Variants in FFAR1 observed in about 807,000 individuals in gnomAD.
The protein encoded by FFAR1 is free fatty acid receptor 1, also known as G-protein coupled receptor 40.
For synonymous variants in FFAR1, 216 were observed against 201.5 expected (o/e 1.07, Z -0.61); for missense variants, 424 against 396.2 (o/e 1.07, Z -0.60).
upstream of FFAR1, among the ~76,000 whole-genome samples, chr19:35,349,888 C>A (rs1171486909): frequency 6.6e-6 from 1 of 152,180 alleles, no homozygotes; most frequent in South Asian, 2.1e-4. Context: ...CACCAGCAGG[C>A]GTGGGCACAC....
At chr19:35,351,469 G>C (rs1019708893), upstream of FFAR1, 11 of 1,241,792 alleles carry the variant, frequency 8.9e-6, no homozygotes, top group Non-Finnish European at 1.2e-5. Context: ...GATCCCAGGA[G>C]CCCCTCCTCT....
chr19:35,351,594 G>A (rs774976696), exon 1 of FFAR1: 2 of 1,541,132 alleles, frequency 1.3e-6, no homozygotes, highest in Admixed American at 2.0e-5. Context: ...CTATGTGGCC[G>A]CCTTTGCGCT....
upstream of FFAR1, among the ~76,000 whole-genome samples, chr19:35,351,087 G>T (rs1195384407): frequency 6.6e-6 from 1 of 152,186 alleles, no homozygotes; most frequent in Non-Finnish European, 1.5e-5. Context: ...GGCAGCTCCT[G>T]CCTTGCCAGG....
At chr19:35,353,138 T>C (rs1286139039) in exon 1 of FFAR1, 1 of 153,736 alleles carries the variant, frequency 6.5e-6, no homozygotes, top group Non-Finnish European at 1.4e-5. Context: ...CAACTACTAA[T>C]AGCCTACTGT....
chr19:35,352,780 A>G, exon 1 of FFAR1: 1 of 403,494 alleles, frequency 2.5e-6, no homozygotes, highest in Non-Finnish European at 4.6e-6. Context: ...TACTTACGGG[A>G]AGGAGGAGGC....
rs750236257 is a variant in FFAR1 at position 35,352,074 on chromosome 19, G to A, written c.523G>A (p.Asp175Asn). ...CTCTCCGGTCTGCCTGGAGGCCTGGGACCCGGCCTCTGCCGGCCCGGCCCG... is the reference window on the plus strand; with the variant it reads ...CTCTCCGGTCTGCCTGGAGGCCTGGAACCCGGCCTCTGCCGGCCCGGCCCG... Residue 175 changes from aspartate (D) to asparagine (N), a missense_variant, in exon 1 of 1, where the codon GAC (aspartate) becomes AAC (asparagine). Transcript: ENST00000246553. The A allele has an allele frequency of 3.1e-6, 5 of 1,613,432 alleles. 1 individual carries two copies. The highest frequency in any genetic ancestry group is 2.5e-6 in the Non-Finnish European group (3 of 1,179,962).
upstream of FFAR1, among the ~76,000 whole-genome samples, chr19:35,348,896 C>T (rs112996277): frequency 2.7e-3 from 412 of 152,340 alleles, 1 homozygote; most frequent in African/African-American, 9.6e-3. Flanking sequence ...TGGCAACCAT[C>T]GAGCATCTTC....
At chr19:35,350,263 G>C (rs1330137119), upstream of FFAR1, among the ~76,000 whole-genome samples, 1 of 152,232 alleles carries the variant, frequency 6.6e-6, no homozygotes, top group African/African-American at 2.4e-5. Flanking sequence ...TGCGGAAGCA[G>C]AGGGAGAACA....
At chr19:35,350,793 G>A (rs971645529), upstream of FFAR1, among the ~76,000 whole-genome samples, 4 of 152,082 alleles carry the variant, frequency 2.6e-5, no homozygotes, top group Admixed American at 6.5e-5. Context: ...CCATCAGCCC[G>A]CTGAGGGGAC....
Position 35,352,389 on chromosome 19 carries a change from G to A in FFAR1, c.838G>A (p.Gly280Arg), listed in dbSNP as rs965347513. The A allele has an allele frequency of 3.9e-6, 6 of 1,554,216 alleles. No individual in the cohort carries two copies. In the African/African-American group the frequency reaches 8.2e-5, roughly 21 times the overall value. The stretch of plus-strand genomic sequence containing the variant: ...TAATCCGCTGGTGACCGGTTACTTG[G>A]GAAGGGGTCCTGGCCTGAAGACAGT... The change falls in exon 1 of 1, where the codon GGA becomes AGA. Residue 280 changes from glycine (G) to arginine (R), a missense_variant. Transcript: ENST00000246553.
At chr19:35,350,762 A>G (rs2066940864), upstream of FFAR1, among the ~76,000 whole-genome samples, 1 of 152,034 alleles carries the variant, frequency 6.6e-6, no homozygotes. Context: ...CTTCCGGCTC[A>G]CTGCCCATCC....
At chr19:35,352,699 T>A (rs1341692439) in exon 1 of FFAR1, 4 of 572,564 alleles carry the variant, frequency 7.0e-6, no homozygotes, top group African/African-American at 5.6e-5. Flanking sequence ...TGTCCCTTCC[T>A]CGCCTATCTT....
At chr19:35,351,452 C>A, upstream of FFAR1, 1 of 1,063,772 alleles carries the variant, frequency 9.4e-7, no homozygotes, top group Non-Finnish European at 1.4e-6. Context: ...GGCTGGAACC[C>A]GCGAGTGATC....
chr19:35,352,495 G>T (rs991130581), exon 1 of FFAR1: 5 of 1,533,408 alleles, frequency 3.3e-6, no homozygotes, highest in Middle Eastern at 2.1e-4. Context: ...AGGAGGGCCC[G>T]GCTGCTTCTC....
chr19:35,350,941 C>A (rs1217934628), upstream of FFAR1, among the ~76,000 whole-genome samples: 8 of 152,200 alleles, frequency 5.3e-5, no homozygotes, highest in Admixed American at 2.6e-4. Flanking sequence ...TCAACCGTGA[C>A]ATGGATGGGG....
In FFAR1 at chr19:35,351,918, TCCTGGGGGGTGTGCGCGGCCATCTGGGC is replaced by T. The variant is rs1351368484; in HGVS notation, c.371_398del (p.Trp124SerfsTer82). On this transcript the variant is annotated frameshift_variant, in exon 1 of 1. Coordinates refer to ENST00000246553, the Ensembl canonical transcript of FFAR1. LOFTEE classifies it low-confidence loss of function (END_TRUNC). ...CCAAGCCTTCCGGAGGCCGTGCTAT[TCCTGGGGGGTGTGCGCGGCCATCTGGGC>T]CCTCGTCCTGTGTCACCTGGGTCTG... 1.9e-6 allele frequency: 3 copies of T among 1,613,990 alleles called. No homozygotes were observed. The African/African-American group carries it at 4.0e-5, about 22-fold the overall frequency.
rs774289904 is a variant in FFAR1 at position 35,351,841 on chromosome 19, T to C, written c.290T>C (p.Leu97Pro). The change falls in exon 1 of 1, where the codon CTG (leucine) becomes CCG (proline). Residue 97 changes from leucine (L) to proline (P), a missense_variant. Transcript: ENST00000246553. ...CCACTCTATGCCGGCGGGGGCTTCC[T>C]GGCCGCCCTGAGTGCAGGCCGCTAC... 3.9e-5 allele frequency: 63 copies of C among 1,611,902 alleles called. 1 individual carries two copies. Among genetic ancestry groups the C allele is most frequent in the East Asian group, 2.5e-4 (11 of 44,834 alleles).
chr19:35,352,503 C>T, exon 1 of FFAR1: 2 of 1,524,094 alleles, frequency 1.3e-6, no homozygotes, highest in Non-Finnish European at 8.8e-7. Context: ...CCGGCTGCTT[C>T]TCCAGGCCCC....
exon 1 of FFAR1, chr19:35,353,136 A>G (rs572936517): frequency 6.5e-6 from 1 of 154,124 alleles, no homozygotes; most frequent in Admixed American, 6.4e-5. Context: ...TTCAACTACT[A>G]ATAGCCTACT....
Sources: gnomAD v4.1 joint callset for allele counts (sites outside exome capture counted in the v4.1 genomes callset) on GRCh38, gnomAD v4.1.1 for gene constraint, MANE v1.5 for transcripts, NCBI Gene and HGNC (gene_info 2026-07-23, HGNC 2026-07-21) for gene names.